BBX: variants seen among roughly 807,000 people sequenced by gnomAD.
BBX encodes the protein HMG box transcription factor BBX.
In BBX, 30 loss-of-function variants were observed where a neutral mutation model predicts 100.2. The observed-to-expected ratio is 0.30, with a 90% CI of 0.22 to 0.41. BBX has a LOEUF of 0.41. Ranked by LOEUF, BBX falls within the 10% of genes least tolerant of loss-of-function variation. The pLI is 1.00. For synonymous variants in BBX, 376 were observed against 388.1 expected (o/e 0.97, Z 0.37); for missense variants, 1,023 against 1,129.8 (o/e 0.91, Z 1.35).
At chr3:107,774,902 G>A in intron 12 of BBX, 45 bp downstream of exon 12, 1 of 1,588,576 alleles carries the variant, frequency 6.3e-7, no homozygotes, top group Non-Finnish European at 8.6e-7. Context: ...CAAGCCTCAA[G>A]TGTGGGTGGG....
chr3:107,609,972 G>T (rs939778870), intron 2 of BBX, among the ~76,000 whole-genome samples: 1 of 151,766 alleles, frequency 6.6e-6, no homozygotes, highest in East Asian at 1.9e-4. Flanking sequence ...TTTATTTGAA[G>T]TTGTTCTTCT....
At chr3:107,618,612 C>A (rs1471888861) in intron 2 of BBX, among the ~76,000 whole-genome samples, 1 of 151,974 alleles carries the variant, frequency 6.6e-6, no homozygotes, top group African/African-American at 2.4e-5. Flanking sequence ...TCACTTGTTT[C>A]AATGTTATTT....
At chr3:107,590,905 CA>C (rs1373789758) in intron 2 of BBX, among the ~76,000 whole-genome samples, 3 of 152,212 alleles carry the variant, frequency 2.0e-5, no homozygotes, top group Admixed American at 2.0e-4. Context: ...GGGTTCCACT[CA>C]ACAGTGGCAG....
At chr3:107,722,503 A>G (rs1461001240) in intron 5 of BBX, among the ~76,000 whole-genome samples, 1 of 152,032 alleles carries the variant, frequency 6.6e-6, no homozygotes, top group Non-Finnish European at 1.5e-5. Flanking sequence ...TATTGCCATA[A>G]TAATTTTCGC....
At chr3:107,684,391 A>C (rs2059727657) in intron 3 of BBX, among the ~76,000 whole-genome samples, 1 of 152,140 alleles carries the variant, frequency 6.6e-6, no homozygotes, top group African/African-American at 2.4e-5. Flanking sequence ...CATAGTTGCG[A>C]TATTTTTTTT....
intron 3 of BBX, among the ~76,000 whole-genome samples, chr3:107,658,964 C>G (rs1053407664): frequency 1.3e-5 from 2 of 152,218 alleles, no homozygotes; most frequent in South Asian, 4.2e-4. Flanking sequence ...CCTGTAACAC[C>G]TTTGATGGCA....
intron 2 of BBX, among the ~76,000 whole-genome samples, chr3:107,618,236 T>C (rs1376495408): frequency 6.6e-6 from 1 of 152,086 alleles, no homozygotes; most frequent in African/African-American, 2.4e-5. Context: ...ATTTACGTTG[T>C]ATAATTTCTT....
intron 15 of BBX, among the ~76,000 whole-genome samples, chr3:107,794,169 C>A (rs1325623640): frequency 1.3e-5 from 2 of 152,086 alleles, no homozygotes; most frequent in Non-Finnish European, 2.9e-5. Context: ...CTAATACTTA[C>A]TACCACTTTA....
At chr3:107,679,141 T>TA (rs35708083) in intron 3 of BBX, among the ~76,000 whole-genome samples, 37,858 of 143,756 alleles carry the variant, frequency 0.26, 5,211 homozygotes, top group Middle Eastern at 0.36. Flanking sequence ...AGGGCTTCAT[T>TA]AAAAAAAAAA....
chr3:107,671,447 CAG>C (rs2107921874), intron 3 of BBX, among the ~76,000 whole-genome samples: 1 of 152,002 alleles, frequency 6.6e-6, no homozygotes, highest in East Asian at 1.9e-4. Context: ...TTCTGATCCT[CAG>C]AGGAAAACAT....
intron 2 of BBX, among the ~76,000 whole-genome samples, chr3:107,612,222 G>A (rs1056600215): frequency 3.9e-5 from 6 of 152,042 alleles, no homozygotes; most frequent in Admixed American, 1.3e-4. Flanking sequence ...CTGTCTCTCC[G>A]TGCTTGGCCC....
chr3:107,551,548 T>G (rs1385365858), intron 2 of BBX, among the ~76,000 whole-genome samples: 1 of 152,198 alleles, frequency 6.6e-6, no homozygotes, highest in Non-Finnish European at 1.5e-5. Context: ...AGAGGCAATA[T>G]AAAAATGTAA....
In BBX at chr3:107,806,994, T is replaced by C. The variant is rs926167469; in HGVS notation, c.*1537T>C. On this transcript the variant is annotated 3_prime_UTR_variant, in exon 18 of 18. Transcript: ENST00000325805. ...CTAAATGGTGACAGTTTACATGGTT[T>C]TATCTAGCTTTCTTATTTATACTTG... 1 of 152,240 alleles carries C rather than the reference T, an allele frequency of 6.6e-6. No individual in the cohort carries two copies. The highest frequency in any genetic ancestry group is 1.5e-5 in the Non-Finnish European group (1 of 68,042). The allele number at this position is 152,240 out of a possible 1,614,324, so 9.4% of individuals were successfully genotyped here. A position where few individuals can be genotyped will look rare whatever the true frequency, so the allele number is the denominator to read the frequency against.
At chr3:107,628,609 A>C (rs1475946998) in intron 2 of BBX, among the ~76,000 whole-genome samples, 1 of 152,112 alleles carries the variant, frequency 6.6e-6, no homozygotes, top group Non-Finnish European at 1.5e-5. Context: ...GAAACCCTCC[A>C]GTTATCTTAG....
chr3:107,643,332 GC>G (rs973774097), intron 2 of BBX, among the ~76,000 whole-genome samples: 5 of 152,130 alleles, frequency 3.3e-5, no homozygotes, highest in African/African-American at 1.2e-4. Context: ...TTAATAGATG[GC>G]TGTCCCACCT....
intron 3 of BBX, among the ~76,000 whole-genome samples, chr3:107,706,396 A>C (rs2061401098): frequency 6.6e-6 from 1 of 152,142 alleles, no homozygotes; most frequent in Admixed American, 6.5e-5. Context: ...AATTCAGTAC[A>C]ATGAATGTCA....
At chr3:107,707,051 C>A (rs777179954) in intron 3 of BBX, among the ~76,000 whole-genome samples, 3 of 152,148 alleles carry the variant, frequency 2.0e-5, no homozygotes, top group Non-Finnish European at 4.4e-5. Context: ...ACAGTTTATA[C>A]TTTGAGGTAT....
chr3:107,749,921 A>G (rs866862609), intron 9 of BBX, among the ~76,000 whole-genome samples: 1 of 152,156 alleles, frequency 6.6e-6, no homozygotes, highest in Admixed American at 6.5e-5. Flanking sequence ...GGTGTGAGCC[A>G]TCGTGCCTGG....
At chr3:107,645,392 A>G (rs2057456450) in intron 2 of BBX, among the ~76,000 whole-genome samples, 1 of 152,184 alleles carries the variant, frequency 6.6e-6, no homozygotes, top group African/African-American at 2.4e-5. Flanking sequence ...TAAAATATTT[A>G]AAAGGCAAAT....
Sources: allele counts gnomAD v4.1 joint callset (sites outside exome capture counted in the v4.1 genomes callset), GRCh38; gene constraint gnomAD v4.1.1; transcripts MANE v1.5; gene names NCBI Gene and HGNC (gene_info 2026-07-23, HGNC 2026-07-21).